The following OLFM4 variants were observed in gnomAD, a reference collection of about 807,000 sequenced individuals.
OLFM4 encodes olfactomedin 4.
OLFM4 carries 22 observed loss-of-function variants against 25.5 expected under a neutral mutation model. That is an observed-to-expected ratio of 0.86 (90% confidence interval 0.62 to 1.23). The LOEUF is 1.23. Ranked by LOEUF, OLFM4 falls within the 50% of genes most tolerant of loss-of-function variation. The probability of loss-of-function intolerance (pLI) is 0.00; values close to 1 mark genes in which losing one functional copy is unlikely to be tolerated. For missense variants in OLFM4, 594 were observed against 619.4 expected (o/e 0.96, Z 0.44); for synonymous variants, 255 against 237.7 (o/e 1.07, Z -0.67).
intron 4 of OLFM4, among the ~76,000 whole-genome samples, chr13:53,048,442 AT>A (rs1367966826): frequency 6.6e-6 from 1 of 152,198 alleles, no homozygotes; most frequent in Non-Finnish European, 1.5e-5. Context: ...TTTAAGGAGC[AT>A]ATATTTAATT....
At position 53,039,195 on chromosome 13, in the gene OLFM4, G is replaced by A. The variant is rs192526138; in HGVS notation, c.358-2715G>A. On this transcript the variant is annotated intron_variant, in intron 2 of 4. Transcript: ENST00000219022. ...CACCAAAATGTTCCAGAGAAGCTGA[G>A]GGTGTTTCATTTGTTCCAAGAGCTG... is the stretch of plus-strand genomic sequence containing the variant. Among the ~76,000 whole-genome samples the A allele has an allele frequency of 2.3e-3, 351 of 152,346 alleles. 3 individuals are homozygous for A. The highest frequency in any genetic ancestry group is 0.017 in the Admixed American group (262 of 15,314).
At chr13:53,048,935 T>C (rs1170975882) in intron 4 of OLFM4, among the ~76,000 whole-genome samples, 1 of 152,192 alleles carries the variant, frequency 6.6e-6, no homozygotes, top group East Asian at 1.9e-4. Flanking sequence ...ATTATAAAAA[T>C]ACTGGAGGAA....
At chr13:53,034,264 T>G in intron 1 of OLFM4, 84 bp from the exon 2 acceptor site, 1 of 1,419,480 alleles carries the variant, frequency 7.0e-7, no homozygotes, top group South Asian at 1.3e-5. Context: ...GTAAGTACTC[T>G]CGACAAGCCA....
intron 4 of OLFM4, among the ~76,000 whole-genome samples, chr13:53,045,336 T>C (rs528475770): frequency 2.9e-4 from 44 of 152,184 alleles, no homozygotes; most frequent in Non-Finnish European, 5.6e-4. Context: ...TTTACTCACT[T>C]TCCCACAACC....
intron 4 of OLFM4, among the ~76,000 whole-genome samples, chr13:53,048,269 T>A (rs1654836113): frequency 6.6e-6 from 1 of 152,220 alleles, no homozygotes; most frequent in Admixed American, 6.5e-5. Flanking sequence ...AACACGTTGC[T>A]TTTTTATTTA....
rs183067401 is a variant in OLFM4 at position 53,038,387 on chromosome 13, A to G, written c.358-3523A>G. Among the ~76,000 whole-genome samples, 155 of 152,334 alleles carry G rather than the reference A, an allele frequency of 1.0e-3. 2 individuals are homozygous for G. The highest frequency in any genetic ancestry group is 1.7e-3 in the Non-Finnish European group (118 of 68,030). On this transcript the variant is annotated intron_variant, in intron 2 of 4. Transcript: ENST00000219022. ...TTTTAACATTGGTGAACGTCATTGT[A>G]TACTTACACAAACCTAGAGGGTGTA...
At position 53,047,259 on chromosome 13, in the gene OLFM4, G is replaced by A. The variant is rs28407864; in HGVS notation, c.731-2710G>A. Reference sequence around the variant, plus strand: ...ACATGAAGGAAGGGGCTGGCAAGGAGCATGAGATAAGGGAGGGTGGTGAGA... The same window carrying A: ...ACATGAAGGAAGGGGCTGGCAAGGAACATGAGATAAGGGAGGGTGGTGAGA... On this transcript the variant is annotated intron_variant, in intron 4 of 4. Coordinates refer to ENST00000219022, the MANE Select transcript of OLFM4 (RefSeq NM_006418.5). Among the ~76,000 whole-genome samples, 1,512 of 152,314 alleles carry A rather than the reference G, an allele frequency of 9.9e-3. 120 individuals carry two copies. In the East Asian group the frequency reaches 0.19, roughly 19 times the overall value.
At position 53,049,270 on chromosome 13, in the gene OLFM4, A is replaced by G. The variant is rs1209185235; in HGVS notation, c.731-699A>G. Among the ~76,000 whole-genome samples the G allele has an allele frequency of 2.6e-5, 4 of 152,196 alleles. 1 individual carries two copies. The highest frequency in any genetic ancestry group is 2.6e-4 in the Admixed American group (4 of 15,270). ...GCTGTGCATTGGGTACGGAGCAGGC[A>G]ATGTTGCCCCAAAATAACTTTATGG... On this transcript the variant is annotated intron_variant, in intron 4 of 4. Coordinates refer to ENST00000219022, the MANE Select transcript of OLFM4 (RefSeq NM_006418.5).
intron 4 of OLFM4, among the ~76,000 whole-genome samples, 161 bp downstream of exon 4, chr13:53,043,425 C>G (rs546895871): frequency 6.7e-6 from 1 of 149,328 alleles, no homozygotes; most frequent in African/African-American, 2.5e-5. Context: ...TTTAAAATTC[C>G]CTTCCTCCCA....
chr13:53,036,297 G>A (rs1258734460), intron 2 of OLFM4, among the ~76,000 whole-genome samples: 4 of 152,148 alleles, frequency 2.6e-5, no homozygotes, highest in Middle Eastern at 3.2e-3. Flanking sequence ...GCATAATCAA[G>A]TACAGATAAG....
chr13:53,048,620 C>G (rs1483856373), intron 4 of OLFM4, among the ~76,000 whole-genome samples: 2 of 152,156 alleles, frequency 1.3e-5, no homozygotes, highest in Non-Finnish European at 2.9e-5. Context: ...GAGACAAAGG[C>G]TTTGCTCCCC....
At position 53,028,855 on chromosome 13, in the gene OLFM4, T is replaced by C; in HGVS notation, c.19T>C (p.Phe7Leu). 11 of 1,614,200 alleles carry C rather than the reference T, an allele frequency of 6.8e-6. No homozygotes were observed. Among genetic ancestry groups the C allele is most frequent in the Non-Finnish European group, 9.3e-6 (11 of 1,180,022 alleles). ...GGACAAGATGAGGCCCGGCCTCTCA[T>C]TTCTCCTAGCCCTTCTGTTCTTCCT... MRPGLS[F>L]LLALLFFLGQ... Residue 7 changes from phenylalanine (F) to leucine (L), a missense_variant, in exon 1 of 5, where the codon TTT becomes CTT. Physicochemically the swap from Phe to Leu is conservative, Grantham distance 22 (BLOSUM62 0). Transcript: ENST00000219022.
At chr13:53,041,433 T>G (rs57976976) in intron 2 of OLFM4, among the ~76,000 whole-genome samples, 3,349 of 152,058 alleles carry the variant, frequency 0.022, 112 homozygotes, top group African/African-American at 0.076. Context: ...TGAGAACACA[T>G]GGACACAAAG....
intron 2 of OLFM4, among the ~76,000 whole-genome samples, chr13:53,039,391 T>C (rs1365685452): frequency 6.6e-6 from 1 of 152,178 alleles, no homozygotes; most frequent in Non-Finnish European, 1.5e-5. Flanking sequence ...TTGTTAGGTT[T>C]TATATATAGT....
At chr13:53,030,792 A>T (rs1954625116) in intron 1 of OLFM4, among the ~76,000 whole-genome samples, 1 of 152,202 alleles carries the variant, frequency 6.6e-6, no homozygotes, top group Admixed American at 6.5e-5. Flanking sequence ...TCCAAGGAGT[A>T]TAGATGAAAA....
At chr13:53,032,228 T>G (rs896744814) in intron 1 of OLFM4, among the ~76,000 whole-genome samples, 3 of 152,228 alleles carry the variant, frequency 2.0e-5, no homozygotes, top group African/African-American at 7.2e-5. Flanking sequence ...GTCTAGAGAT[T>G]GCTTGATGAT....
Position 53,034,512 on chromosome 13 carries a change from C to G in OLFM4, c.357+12C>G. 1 of 1,596,512 alleles carries G rather than the reference C, an allele frequency of 6.3e-7. No individual in the cohort carries two copies. On this transcript the variant is annotated intron_variant, in intron 2 of 4. Coordinates refer to ENST00000219022, the MANE Select transcript of OLFM4 (RefSeq NM_006418.5). Reference sequence around the variant, plus strand: ...AAGAACTTTCCAAAGTAAGCATTTTCTTTTCAAACAATATCTTGATAAAGA... The same window carrying G: ...AAGAACTTTCCAAAGTAAGCATTTTGTTTTCAAACAATATCTTGATAAAGA...
chr13:53,043,263 A>C lies in OLFM4; in HGVS notation c.729A>C (p.Pro243=), dbSNP rs1232421492. 1 of 1,593,768 alleles carries C rather than the reference A, an allele frequency of 6.3e-7. No individual in the cohort carries two copies. The highest frequency in any genetic ancestry group is 1.8e-5 in the Admixed American group (1 of 55,470). The change falls in exon 4 of 5, where the codon CCA becomes CCC. Residue 243 remains proline, a splice_region_variant and synonymous_variant. Transcript: ENST00000219022. ...CTGTCGTCCACCCTCCTCCCACTCC[A>C]GGTAAGCATGCCAGTTTTTTTAACC... ...NTPVVHPPPT[P]GSCGHGGVVN...
chr13:53,031,848 G>A (rs776410902), intron 1 of OLFM4, among the ~76,000 whole-genome samples: 4 of 152,194 alleles, frequency 2.6e-5, no homozygotes, highest in African/African-American at 7.2e-5. Flanking sequence ...AAGGGGAATC[G>A]CATATTCTTC....
Sources: gnomAD v4.1 joint callset for allele counts (sites outside exome capture counted in the v4.1 genomes callset) on GRCh38, gnomAD v4.1.1 for gene constraint, MANE v1.5 for transcripts, NCBI Gene and HGNC (gene_info 2026-07-23, HGNC 2026-07-21) for gene names.